DLG2: variants seen among roughly 807,000 people sequenced by gnomAD.
DLG2 encodes disks large homolog 2.
DLG2 carries 45 observed loss-of-function variants against 132.5 expected under a neutral mutation model. The ratio of observed to expected loss-of-function variants is 0.34; its 90% CI spans 0.27 to 0.44. DLG2 has a LOEUF of 0.44. DLG2 is among the 20% of genes least tolerant of loss of function. The pLI is 1.00. For missense variants in DLG2, 1,045 were observed against 1,196.9 expected, an observed-to-expected ratio of 0.87 and a Z score of 1.87; for synonymous variants, 424 against 419.6, an observed-to-expected ratio of 1.01 and a Z score of -0.13.
intron 15 of DLG2, among the ~76,000 whole-genome samples, chr11:83,907,573 A>T (rs1028886176): frequency 6.6e-6 from 1 of 152,174 alleles, no homozygotes; most frequent in Non-Finnish European, 1.5e-5. Flanking sequence ...GGGAAGGATA[A>T]TGACTTACTT....
At chr11:85,357,141 G>A (rs1327693705) in intron 3 of DLG2, among the ~76,000 whole-genome samples, 2 of 151,958 alleles carry the variant, frequency 1.3e-5, no homozygotes, top group Non-Finnish European at 2.9e-5. Flanking sequence ...AGGAGGAGAA[G>A]CAAGTCACAG....
At chr11:84,905,245 G>A (rs529171714) in intron 6 of DLG2, among the ~76,000 whole-genome samples, 20 of 152,202 alleles carry the variant, frequency 1.3e-4, no homozygotes, top group Non-Finnish European at 2.5e-4. Context: ...TTTTCTATCG[G>A]TTTACATATC....
chr11:84,798,019 CCAAA>C (rs1311813549), intron 6 of DLG2, among the ~76,000 whole-genome samples: 1 of 152,108 alleles, frequency 6.6e-6, no homozygotes, highest in African/African-American at 2.4e-5. Flanking sequence ...TCATTTTCTC[CCAAA>C]CAGAGTCTCT....
intron 6 of DLG2, among the ~76,000 whole-genome samples, chr11:84,585,031 T>C (rs1246339478): frequency 2.6e-5 from 4 of 152,112 alleles, no homozygotes; most frequent in African/African-American, 4.8e-5. Flanking sequence ...CTTTCAATTA[T>C]TGGTTCATGA....
intron 7 of DLG2, among the ~76,000 whole-genome samples, chr11:84,268,758 G>A (rs1366352759): frequency 2.0e-5 from 3 of 152,060 alleles, no homozygotes; most frequent in Admixed American, 6.6e-5. Context: ...ACCGCGCCCG[G>A]CCCATCTCTT....
At chr11:83,506,530 A>T (rs1466044772) in intron 21 of DLG2, among the ~76,000 whole-genome samples, 1 of 152,106 alleles carries the variant, frequency 6.6e-6, no homozygotes, top group African/African-American at 2.4e-5. Flanking sequence ...GGGGTGTTGG[A>T]GGTGGCTCCT....
intron 8 of DLG2, among the ~76,000 whole-genome samples, chr11:84,203,504 C>T (rs952490051): frequency 7.1e-6 from 1 of 140,858 alleles, no homozygotes. Flanking sequence ...ATGGCGTGAA[C>T]CCGGGAGGCG....
At chr11:85,265,438 T>C (rs1339332645) in intron 4 of DLG2, among the ~76,000 whole-genome samples, 1 of 152,162 alleles carries the variant, frequency 6.6e-6, no homozygotes, top group Non-Finnish European at 1.5e-5. Context: ...GGAAACAGAA[T>C]TCCTACTTTA....
At position 84,804,635 on chromosome 11, in the gene DLG2, G is replaced by C. The variant is rs140783912; in HGVS notation, c.358-269904C>G. On this transcript the variant is annotated intron_variant, in intron 6 of 27. Transcript: ENST00000376104. ...CCCAAAACTCAGAAACATCAACAGA[G>C]GCACACAAGAACAGCCCTAACTAAA... Among the ~76,000 whole-genome samples, 68 of 152,244 alleles carry C rather than the reference G, an allele frequency of 4.5e-4. 1 individual carries two copies. The East Asian group carries it at 0.012, about 26-fold the overall frequency.
intron 16 of DLG2, among the ~76,000 whole-genome samples, chr11:83,867,546 G>T (rs1307108650): frequency 6.6e-6 from 1 of 151,984 alleles, no homozygotes; most frequent in African/African-American, 2.4e-5. Context: ...GAACAATAAT[G>T]ATGATAGTGG....
chr11:85,332,661 A>G (rs1033866287), intron 3 of DLG2, among the ~76,000 whole-genome samples: 3 of 152,156 alleles, frequency 2.0e-5, no homozygotes, highest in Admixed American at 1.3e-4. Context: ...TCCAGTTTCA[A>G]TCTTCTGTGT....
At chr11:84,143,251 C>A (rs2094932938) in intron 9 of DLG2, among the ~76,000 whole-genome samples, 3 of 152,090 alleles carry the variant, frequency 2.0e-5, no homozygotes, top group Middle Eastern at 3.2e-3. Flanking sequence ...AGAGAAGGGA[C>A]AAGCTAACTC....
At chr11:85,172,208 A>G (rs529018240) in intron 4 of DLG2, among the ~76,000 whole-genome samples, 18 of 152,232 alleles carry the variant, frequency 1.2e-4, no homozygotes, top group Non-Finnish European at 2.1e-4. Context: ...CGTTCTGGCC[A>G]GCATCAGGTT....
intron 18 of DLG2, among the ~76,000 whole-genome samples, chr11:83,747,465 T>G (rs2153730168): frequency 6.6e-6 from 1 of 152,082 alleles, no homozygotes; most frequent in East Asian, 1.9e-4. Flanking sequence ...CCTCCCAGGC[T>G]CAAGCCATCC....
At chr11:85,246,703 T>G (rs940413318) in intron 4 of DLG2, among the ~76,000 whole-genome samples, 1 of 152,070 alleles carries the variant, frequency 6.6e-6, no homozygotes, top group South Asian at 2.1e-4. Flanking sequence ...TTATTAGTAG[T>G]CATATAATTG....
At chr11:83,829,330 G>A (rs1285325892) in intron 17 of DLG2, among the ~76,000 whole-genome samples, 1 of 151,658 alleles carries the variant, frequency 6.6e-6, no homozygotes, top group Non-Finnish European at 1.5e-5. Flanking sequence ...CCAAGTAGCT[G>A]GGACTACAGG....
intron 6 of DLG2, among the ~76,000 whole-genome samples, chr11:84,646,809 C>T (rs570790576): frequency 4.6e-5 from 7 of 152,234 alleles, no homozygotes; most frequent in African/African-American, 1.2e-4. Flanking sequence ...ACCTTTACTG[C>T]ATGCACATAT....
chr11:85,283,175 C>A (rs905713168), intron 4 of DLG2, among the ~76,000 whole-genome samples: 1 of 151,862 alleles, frequency 6.6e-6, no homozygotes, highest in Non-Finnish European at 1.5e-5. Context: ...TTACAACAAA[C>A]CCCTGTGACA....
chr11:84,624,685 C>T (rs901219272), intron 6 of DLG2, among the ~76,000 whole-genome samples: 10 of 151,462 alleles, frequency 6.6e-5, no homozygotes, highest in Admixed American at 3.9e-4. Context: ...TTCCCCATGA[C>T]ATTCCTCCTT....
Sources: gnomAD v4.1 joint callset for allele counts (sites outside exome capture counted in the v4.1 genomes callset) on GRCh38, gnomAD v4.1.1 for gene constraint, MANE v1.5 for transcripts, NCBI Gene and HGNC (gene_info 2026-07-23, HGNC 2026-07-21) for gene names.